The following ASCC3 variants were observed in gnomAD, a reference collection of about 807,000 sequenced individuals.
The protein encoded by ASCC3 is activating signal cointegrator 1 complex subunit 3.
Under a neutral mutation model 256.3 loss-of-function variants are expected in ASCC3, and 158 were observed. That is an observed-to-expected ratio of 0.62 (90% CI 0.54 to 0.70). The LOEUF (loss-of-function observed/expected upper bound fraction) is 0.70. ASCC3 is among the 30% of genes least tolerant of loss of function. The probability of loss-of-function intolerance (pLI) is 0.00; values close to 1 mark genes in which losing one functional copy is unlikely to be tolerated. For synonymous variants in ASCC3, 948 were observed against 883.4 expected, an observed-to-expected ratio of 1.07 and a Z score of -1.30; for missense variants, 2,259 against 2,626.0, an observed-to-expected ratio of 0.86 and a Z score of 3.05.
At chr6:100,767,949 T>C (rs1225739568) in intron 8 of ASCC3, among the ~76,000 whole-genome samples, 1 of 152,022 alleles carries the variant, frequency 6.6e-6, no homozygotes. Context: ...AGATGGTAAA[T>C]TAGTAATGTA....
chr6:100,767,898 G>T (rs1781737275), intron 8 of ASCC3, among the ~76,000 whole-genome samples: 1 of 151,966 alleles, frequency 6.6e-6, no homozygotes, highest in Non-Finnish European at 1.5e-5. Context: ...TTACAGGCGT[G>T]AGCCACCGCA....
rs563627695 is a variant in ASCC3 at position 100,586,471 on chromosome 6, C to T, written c.5550+3163G>A. ...ATTCGGGTGGGAGCGACCCGATTTT[C>T]CAGGTGCCGTCTGTCACCCCTTTCT... On this transcript the variant is annotated intron_variant, in intron 36 of 41. Coordinates refer to ENST00000369162, the MANE Select transcript of ASCC3 (RefSeq NM_006828.4). Among the ~76,000 whole-genome samples the T allele has an allele frequency of 2.0e-5, 3 of 152,270 alleles. No individual in the cohort carries two copies. The South Asian group carries it at 6.2e-4, about 32-fold the overall frequency.
intron 4 of ASCC3, among the ~76,000 whole-genome samples, chr6:100,839,147 C>A (rs1319019696): frequency 2.6e-5 from 4 of 152,078 alleles, no homozygotes; most frequent in Admixed American, 6.6e-5. Context: ...TTCCTAACAA[C>A]ATTCATTATA....
At chr6:100,540,595 C>G (rs184311735) in intron 36 of ASCC3, among the ~76,000 whole-genome samples, 72 of 152,090 alleles carry the variant, frequency 4.7e-4, no homozygotes, top group Admixed American at 2.6e-3. Flanking sequence ...CATGAATGTT[C>G]CTTTGTATTT....
At chr6:100,572,014 T>C (rs573427728) in intron 36 of ASCC3, among the ~76,000 whole-genome samples, 1 of 152,352 alleles carries the variant, frequency 6.6e-6, no homozygotes, top group Admixed American at 6.5e-5. Context: ...GCAATCTTTC[T>C]GCACATGGAC....
At chr6:100,512,321 T>G (rs1471459914) in intron 40 of ASCC3, among the ~76,000 whole-genome samples, 1 of 152,084 alleles carries the variant, frequency 6.6e-6, no homozygotes, top group Non-Finnish European at 1.5e-5. Context: ...TTAAGGCCCT[T>G]AAAAATCATG....
In ASCC3 at chr6:100,810,688, C is replaced by A. The variant is rs1032519691; in HGVS notation, c.802-4808G>T. Among the ~76,000 whole-genome samples the A allele has an allele frequency of 1.1e-4, 16 of 152,166 alleles. No homozygotes were observed. The East Asian group carries it at 2.3e-3, about 22-fold the overall frequency. On this transcript the variant is annotated intron_variant, in intron 4 of 41. Transcript: ENST00000369162. ...GTTGCTTTTGACAACATAAAAAAGTCTTTTGGCAAACTCCAACCAACACAG... is the reference window on the plus strand; with the variant it reads ...GTTGCTTTTGACAACATAAAAAAGTATTTTGGCAAACTCCAACCAACACAG...
chr6:100,704,249 G>A (rs1778480823), intron 13 of ASCC3, among the ~76,000 whole-genome samples: 1 of 151,848 alleles, frequency 6.6e-6, no homozygotes. Flanking sequence ...TTTAATTCTT[G>A]TGCTCCTAAT....
intron 37 of ASCC3, among the ~76,000 whole-genome samples, chr6:100,534,783 G>A (rs1232797471): frequency 6.6e-6 from 1 of 152,174 alleles, no homozygotes; most frequent in East Asian, 1.9e-4. Context: ...AAGGCAGGCT[G>A]TATTGTAGAC....
At chr6:100,780,919 A>G (rs897733630) in intron 8 of ASCC3, among the ~76,000 whole-genome samples, 4 of 152,244 alleles carry the variant, frequency 2.6e-5, no homozygotes, top group Non-Finnish European at 4.4e-5. Context: ...TACTTTACAA[A>G]TACATCACCT....
Position 100,767,300 on chromosome 6 carries a change from G to A in ASCC3, c.1441C>T (p.Gln481Ter). Residue 481 changes from glutamine (Q) to a stop codon, truncating the protein, a stop_gained, in exon 9 of 42, where the codon CAG becomes TAG. Coordinates refer to ENST00000369162, the MANE Select transcript of ASCC3 (RefSeq NM_006828.4). LOFTEE classifies it high-confidence loss of function. ...TAGGCAGTCTCAAACACTATTGACT[G>A]GATTCTATTGAGTCTCTTCATTCCT... ...FKGMKRLNRI[Q>*]SIVFETAYNT... is the part of the protein sequence containing the mutation. 1 of 1,613,782 alleles carries A rather than the reference G, an allele frequency of 6.2e-7. No homozygotes were observed. The highest frequency in any genetic ancestry group is 8.5e-7 in the Non-Finnish European group (1 of 1,179,962).
chr6:100,662,486 A>G lies in ASCC3; in HGVS notation c.2337T>C (p.Phe779=). 1 of 1,613,240 alleles carries G rather than the reference A, an allele frequency of 6.2e-7. No homozygotes were observed. The change falls in exon 15 of 42, where the codon TTT becomes TTC. Residue 779 remains phenylalanine, a synonymous_variant. Transcript: ENST00000369162. ...GAAGCATTCCTGCATGATGAATACTAAAACCATCTGGGAATAATTCTCGTA... is the reference window on the plus strand; with the variant it reads ...GAAGCATTCCTGCATGATGAATACTGAAACCATCTGGGAATAATTCTCGTA... ...KQVRELFPDG[F]SIHHAGMLRQ...
At chr6:100,744,856 T>A (rs933214662) in intron 10 of ASCC3, among the ~76,000 whole-genome samples, 2 of 152,188 alleles carry the variant, frequency 1.3e-5, no homozygotes, top group African/African-American at 4.8e-5. Flanking sequence ...CACCATATGT[T>A]TGAGAATTGT....
chr6:100,758,255 TTTTAC>T (rs1781276224), intron 10 of ASCC3, among the ~76,000 whole-genome samples: 1 of 152,180 alleles, frequency 6.6e-6, no homozygotes, highest in Non-Finnish European at 1.5e-5. Flanking sequence ...TTTATTTGTA[TTTTAC>T]TTTAAGTTCA....
At chr6:100,654,219 T>C (rs1385995067) in intron 17 of ASCC3, among the ~76,000 whole-genome samples, 1 of 151,732 alleles carries the variant, frequency 6.6e-6, no homozygotes, top group African/African-American at 2.4e-5. Context: ...ATCAAAAATA[T>C]GCTAAACTGT....
At chr6:100,826,383 G>A (rs969600861) in intron 4 of ASCC3, among the ~76,000 whole-genome samples, 1 of 151,950 alleles carries the variant, frequency 6.6e-6, no homozygotes, top group Non-Finnish European at 1.5e-5. Context: ...TGCCTGCCTC[G>A]GCCTCCCAAA....
At chr6:100,775,492 A>G (rs990884442) in intron 8 of ASCC3, among the ~76,000 whole-genome samples, 2 of 152,216 alleles carry the variant, frequency 1.3e-5, no homozygotes, top group Middle Eastern at 3.4e-3. Context: ...AGTTTGTCCT[A>G]GCTCAAATAC....
intron 4 of ASCC3, among the ~76,000 whole-genome samples, chr6:100,816,086 G>A (rs763588907): frequency 2.0e-5 from 3 of 151,692 alleles, no homozygotes; most frequent in Non-Finnish European, 4.4e-5. Context: ...ATCCCATTAG[G>A]AAGTGGGCAA....
intron 28 of ASCC3, 65 bp from the exon 29 acceptor site, chr6:100,627,775 T>G: frequency 6.2e-7 from 1 of 1,608,862 alleles, no homozygotes; most frequent in Admixed American, 1.7e-5. Context: ...GGTTATAATA[T>G]CTCTTAAAAG....
Sources: gnomAD v4.1 joint callset for allele counts (sites outside exome capture counted in the v4.1 genomes callset) on GRCh38, gnomAD v4.1.1 for gene constraint, MANE v1.5 for transcripts, NCBI Gene and HGNC (gene_info 2026-07-23, HGNC 2026-07-21) for gene names.